The following LMBRD1 variants were observed in gnomAD, a reference collection of about 807,000 sequenced individuals.
The protein encoded by LMBRD1 is lysosomal cobalamin transport escort protein LMBD1.
In LMBRD1, 64 loss-of-function variants were observed where a neutral mutation model predicts 74.8. The ratio of observed to expected loss-of-function variants is 0.86; its 90% CI spans 0.70 to 1.05. The LOEUF (loss-of-function observed/expected upper bound fraction) is 1.05. LMBRD1 is among the 50% of genes least tolerant of loss of function. LMBRD1 has a pLI of 0.00. For synonymous variants in LMBRD1, 204 were observed against 216.3 expected, an observed-to-expected ratio of 0.94 and a Z score of 0.50; for missense variants, 652 against 645.9, an observed-to-expected ratio of 1.01 and a Z score of -0.10.
intron 3 of LMBRD1, among the ~76,000 whole-genome samples, chr6:69,777,897 G>C (rs1218701721): frequency 6.6e-6 from 1 of 152,176 alleles, no homozygotes; most frequent in African/African-American, 2.4e-5. Context: ...TCCAGGAGAA[G>C]ACAAATTAGA....
chr6:69,745,006 C>T (rs942235507), intron 5 of LMBRD1, among the ~76,000 whole-genome samples: 1 of 151,890 alleles, frequency 6.6e-6, no homozygotes, highest in African/African-American at 2.4e-5. Context: ...CTATGCCCAG[C>T]TAATTTTTGT....
chr6:69,776,155 C>T (rs1432376867), intron 3 of LMBRD1, among the ~76,000 whole-genome samples: 2 of 152,176 alleles, frequency 1.3e-5, no homozygotes, highest in African/African-American at 2.4e-5. Flanking sequence ...ATAATGTCAA[C>T]TGTCTTATTT....
chr6:69,763,655 T>G (rs1582136967), intron 3 of LMBRD1, among the ~76,000 whole-genome samples: 1 of 152,264 alleles, frequency 6.6e-6, no homozygotes, highest in East Asian at 1.9e-4. Context: ...ATAGCTGCCT[T>G]GAAGCCTTGT....
At chr6:69,695,482 C>G (rs1248788472) in intron 14 of LMBRD1, among the ~76,000 whole-genome samples, 1 of 152,098 alleles carries the variant, frequency 6.6e-6, no homozygotes, top group Admixed American at 6.6e-5. Context: ...GGTTCCAGGA[C>G]TCTGTTGGAA....
At chr6:69,746,464 C>G (rs1024181010) in intron 5 of LMBRD1, 6 of 158,412 alleles carry the variant, frequency 3.8e-5, no homozygotes, top group Non-Finnish European at 8.5e-5. Flanking sequence ...CTCTCTAGAA[C>G]ATCATCCCTG....
At chr6:69,719,210 T>C (rs962422223) in intron 7 of LMBRD1, 129 bp from the exon 8 acceptor site, 3 of 791,916 alleles carry the variant, frequency 3.8e-6, no homozygotes, top group Non-Finnish European at 6.2e-6. Context: ...ACTGAAAACA[T>C]GGTATATGGG....
chr6:69,790,253 A>T (rs1766049346), intron 2 of LMBRD1, 43 bp downstream of exon 2: 1 of 1,403,720 alleles, frequency 7.1e-7, no homozygotes, highest in Non-Finnish European at 1.0e-6. Flanking sequence ...GTGTGCCAGA[A>T]ATTTGAAAGG....
At chr6:69,726,308 A>G (rs973210100) in intron 7 of LMBRD1, among the ~76,000 whole-genome samples, 69 of 152,360 alleles carry the variant, frequency 4.5e-4, no homozygotes, top group African/African-American at 1.5e-3. Flanking sequence ...CACTACAGAG[A>G]ATAGTTTGGA....
At chr6:69,734,117 T>A (rs151000795) in intron 7 of LMBRD1, among the ~76,000 whole-genome samples, 4 of 152,310 alleles carry the variant, frequency 2.6e-5, no homozygotes, top group African/African-American at 9.6e-5. Flanking sequence ...TTATTGTTTA[T>A]GCTGCTTAAA....
chr6:69,718,362 T>A (rs1766537346), intron 8 of LMBRD1, among the ~76,000 whole-genome samples: 1 of 152,184 alleles, frequency 6.6e-6, no homozygotes, highest in Admixed American at 6.5e-5. Context: ...CTTCTGTTTT[T>A]TAAGTGTTAG....
At chr6:69,766,136 T>C in intron 3 of LMBRD1, among the ~76,000 whole-genome samples, 1 of 151,710 alleles carries the variant, frequency 6.6e-6, no homozygotes, top group Middle Eastern at 3.4e-3. Context: ...TTAAGTAAAT[T>C]TATTCATTTA....
chr6:69,741,382 C>CTT (rs1231643024), intron 6 of LMBRD1, among the ~76,000 whole-genome samples: 1 of 145,006 alleles, frequency 6.9e-6, no homozygotes, highest in Admixed American at 6.9e-5. Context: ...GGGTTAAGTT[C>CTT]TTTTTTTTTT....
intron 3 of LMBRD1, among the ~76,000 whole-genome samples, chr6:69,779,340 C>A (rs1449684919): frequency 2.0e-5 from 3 of 152,068 alleles, no homozygotes; most frequent in Non-Finnish European, 4.4e-5. Flanking sequence ...CCTAACTCAA[C>A]AATTACACTT....
intron 11 of LMBRD1, among the ~76,000 whole-genome samples, 195 bp downstream of exon 11, chr6:69,701,248 T>C (rs943742767): frequency 4.6e-5 from 7 of 151,838 alleles, no homozygotes; most frequent in Non-Finnish European, 1.0e-4. Flanking sequence ...CAATATGATA[T>C]TTAAAGCAAC....
intron 4 of LMBRD1, 76 bp from the exon 5 acceptor site, chr6:69,749,484 A>G: frequency 9.0e-7 from 1 of 1,106,400 alleles, no homozygotes; most frequent in East Asian, 2.4e-5. Context: ...ACACTTTAAC[A>G]GTACCTTCAC....
chr6:69,706,699 T>C (rs1766266983), intron 9 of LMBRD1, among the ~76,000 whole-genome samples: 1 of 152,232 alleles, frequency 6.6e-6, no homozygotes, highest in African/African-American at 2.4e-5. Context: ...ATTACTATTA[T>C]ATTTCAATCT....
At chr6:69,790,621 G>T in intron 1 of LMBRD1, 149 bp from the exon 2 acceptor site, 2 of 725,072 alleles carry the variant, frequency 2.8e-6, no homozygotes, top group Non-Finnish European at 2.4e-6. Context: ...TTAAAAACTT[G>T]TCCAAGATGT....
intron 7 of LMBRD1, among the ~76,000 whole-genome samples, chr6:69,725,901 A>G (rs1766721447): frequency 6.6e-6 from 1 of 152,196 alleles, no homozygotes; most frequent in Non-Finnish European, 1.5e-5. Context: ...ACATCAAGCT[A>G]AAAAGCTTCT....
intron 7 of LMBRD1, among the ~76,000 whole-genome samples, chr6:69,722,999 A>G (rs1766649916): frequency 2.0e-5 from 3 of 152,202 alleles, no homozygotes; most frequent in Non-Finnish European, 4.4e-5. Context: ...TTCCATGCCA[A>G]TGGCAACAAA....
Sources: allele counts gnomAD v4.1 joint callset (sites outside exome capture counted in the v4.1 genomes callset), GRCh38; gene constraint gnomAD v4.1.1; transcripts MANE v1.5; gene names NCBI Gene and HGNC (gene_info 2026-07-23, HGNC 2026-07-21).